Variants in EEA1 observed in about 807,000 individuals in gnomAD.
EEA1 encodes the protein early endosome antigen 1, 162kD.
In EEA1, 111 loss-of-function variants were observed where a neutral mutation model predicts 209.2. The observed-to-expected ratio is 0.53, with a 90% confidence interval of 0.45 to 0.62. The LOEUF (loss-of-function observed/expected upper bound fraction) is 0.62, where lower values mean the gene tolerates loss of function less well. Ranked by LOEUF, EEA1 falls within the 20% of genes least tolerant of loss-of-function variation. The probability of loss-of-function intolerance (pLI) is 0.00; values close to 1 mark genes in which losing one functional copy is unlikely to be tolerated. For missense variants in EEA1, 1,343 were observed against 1,530.8 expected, an observed-to-expected ratio of 0.88 and a Z score of 2.05; for synonymous variants, 536 against 540.6, an observed-to-expected ratio of 0.99 and a Z score of 0.12.
chr12:92,793,347 G>A (rs1449348205), intron 21 of EEA1, among the ~76,000 whole-genome samples: 1 of 152,198 alleles, frequency 6.6e-6, no homozygotes, highest in East Asian at 1.9e-4. Flanking sequence ...AATTGTCCCT[G>A]TTTGCAGATG....
rs1280303229 is a variant in EEA1 at position 92,774,070 on chromosome 12, G to C, written c.*1941C>G. On this transcript the variant is annotated 3_prime_UTR_variant, in exon 29 of 29. Coordinates refer to ENST00000322349, the MANE Select transcript of EEA1 (RefSeq NM_003566.4). ...TTATCTCAAAAAAAAAAAAAAAACA[G>C]TGGTGCTGTGAATATCTGTGTTTTT... The C allele has an allele frequency of 2.6e-5, 3 of 116,284 alleles. No homozygotes were observed. The highest frequency in any genetic ancestry group is 2.6e-4 in the East Asian group (1 of 3,802). 7.2% of individuals were successfully genotyped at this position (116,284 alleles called of 1,614,324 possible). A position where few individuals can be genotyped will look rare whatever the true frequency, so the allele number is the denominator to read the frequency against.
intron 1 of EEA1, among the ~76,000 whole-genome samples, chr12:92,909,844 C>T (rs1389764892): frequency 6.6e-6 from 1 of 151,394 alleles, no homozygotes; most frequent in African/African-American, 2.4e-5. Flanking sequence ...TGGTGAGACC[C>T]CGCCTTAATA....
At chr12:92,783,737 A>ACT (rs1322294114) in intron 22 of EEA1, among the ~76,000 whole-genome samples, 3 of 152,068 alleles carry the variant, frequency 2.0e-5, no homozygotes, top group Non-Finnish European at 4.4e-5. Flanking sequence ...GAACCTTGCC[A>ACT]CTCTCAGCTG....
At chr12:92,926,775 T>C (rs1881232647) in intron 1 of EEA1, among the ~76,000 whole-genome samples, 1 of 152,172 alleles carries the variant, frequency 6.6e-6, no homozygotes. Context: ...CTGTTCCCTC[T>C]GCCTGACATG....
chr12:92,855,155 C>A (rs990541426), intron 5 of EEA1, among the ~76,000 whole-genome samples: 2 of 152,116 alleles, frequency 1.3e-5, no homozygotes, highest in Non-Finnish European at 2.9e-5. Context: ...CACGGCCGGG[C>A]GCGGTGGCTC....
At chr12:92,785,570 T>C (rs1263546165) in intron 22 of EEA1, among the ~76,000 whole-genome samples, 1 of 152,232 alleles carries the variant, frequency 6.6e-6, no homozygotes, top group Non-Finnish European at 1.5e-5. Flanking sequence ...ATTAGCTTCT[T>C]AAGTAGTTCA....
intron 15 of EEA1, 34 bp from the exon 16 acceptor site, chr12:92,813,127 T>A: frequency 7.3e-7 from 1 of 1,379,228 alleles, no homozygotes; most frequent in Non-Finnish European, 1.0e-6. Context: ...TTAATTTATA[T>A]TTAGTTCTTG....
chr12:92,905,926 G>A (rs1880367659), intron 1 of EEA1, among the ~76,000 whole-genome samples: 1 of 151,488 alleles, frequency 6.6e-6, no homozygotes, highest in South Asian at 2.1e-4. Context: ...ATTTTTAATA[G>A]GCAAAATCTC....
At chr12:92,884,327 G>A in intron 2 of EEA1, 1 of 1,300,058 alleles carries the variant, frequency 7.7e-7, no homozygotes. Flanking sequence ...GCAAGAGATG[G>A]CTAGGGCTTT....
At chr12:92,893,478 C>A (rs1879744273) in intron 1 of EEA1, among the ~76,000 whole-genome samples, 1 of 152,202 alleles carries the variant, frequency 6.6e-6, no homozygotes, top group Non-Finnish European at 1.5e-5. Flanking sequence ...AAACACCTCA[C>A]TACATATTTG....
Position 92,781,945 on chromosome 12 carries a change from A to G in EEA1, c.3336+5T>C, listed in dbSNP as rs1873922063. 6.2e-7 allele frequency: 1 copy of G among 1,602,158 alleles called. No homozygotes were observed. ...TTGTAGATTTAGGTCAGAAACATGCAATACCTTTTCTTTCTGAATGTCTTG... is the reference window on the plus strand; with the variant it reads ...TTGTAGATTTAGGTCAGAAACATGCGATACCTTTTCTTTCTGAATGTCTTG... On this transcript the variant is annotated splice_donor_5th_base_variant and intron_variant, in intron 23 of 28. Transcript: ENST00000322349.
At chr12:92,790,675 T>C (rs1874361359) in intron 21 of EEA1, among the ~76,000 whole-genome samples, 1 of 152,100 alleles carries the variant, frequency 6.6e-6, no homozygotes. Context: ...ATGGGGAGAA[T>C]GGAACCAAGT....
intron 3 of EEA1, among the ~76,000 whole-genome samples, 176 bp downstream of exon 3, chr12:92,864,684 T>C (rs1458016977): frequency 6.6e-6 from 1 of 152,206 alleles, no homozygotes; most frequent in Non-Finnish European, 1.5e-5. Flanking sequence ...AGATAGTTAC[T>C]GGTCAAGGAT....
intron 8 of EEA1, among the ~76,000 whole-genome samples, chr12:92,851,928 A>G (rs1348368606): frequency 6.6e-6 from 1 of 152,154 alleles, no homozygotes; most frequent in Non-Finnish European, 1.5e-5. Context: ...GAAAACTACT[A>G]AAATGACAGA....
intron 16 of EEA1, among the ~76,000 whole-genome samples, chr12:92,812,516 A>T (rs1875567953): frequency 6.6e-6 from 1 of 152,064 alleles, no homozygotes; most frequent in Non-Finnish European, 1.5e-5. Flanking sequence ...TCCTATTACC[A>T]AGAAAGGAGT....
intron 15 of EEA1, among the ~76,000 whole-genome samples, chr12:92,814,542 T>C (rs1455759745): frequency 7.0e-6 from 1 of 141,900 alleles, no homozygotes; most frequent in Non-Finnish European, 1.5e-5. Flanking sequence ...TAAAGAAAGT[T>C]TGGGGGAAAT....
At chr12:92,804,324 G>A (rs546824053) in intron 18 of EEA1, among the ~76,000 whole-genome samples, 26 of 152,202 alleles carry the variant, frequency 1.7e-4, no homozygotes, top group African/African-American at 5.8e-4. Flanking sequence ...TGTAATCCCA[G>A]CACTGTGGGA....
intron 2 of EEA1, among the ~76,000 whole-genome samples, chr12:92,891,038 T>C (rs1367160826): frequency 1.3e-5 from 2 of 152,198 alleles, no homozygotes; most frequent in Non-Finnish European, 2.9e-5. Context: ...GTGAGTGTTA[T>C]GTTCTTCACA....
intron 7 of EEA1, among the ~76,000 whole-genome samples, chr12:92,852,594 C>T (rs551306975): frequency 6.6e-6 from 1 of 152,052 alleles, no homozygotes. Flanking sequence ...CCAAGTGTTA[C>T]ATTTATACTA....
Sources: allele counts gnomAD v4.1 joint callset (sites outside exome capture counted in the v4.1 genomes callset), GRCh38; gene constraint gnomAD v4.1.1; transcripts MANE v1.5; gene names NCBI Gene and HGNC (gene_info 2026-07-23, HGNC 2026-07-21).